GPC6: variants seen among roughly 807,000 people sequenced by gnomAD.
GPC6 encodes glypican-6.
In GPC6, 14 loss-of-function variants were observed where a neutral mutation model predicts 55.2. The ratio of observed to expected loss-of-function variants is 0.25; its 90% CI spans 0.17 to 0.40. GPC6 has a LOEUF of 0.40. Among genes scored for constraint, GPC6 ranks in the 10% least tolerant of loss-of-function variants. GPC6 has a pLI of 1.00. For missense variants in GPC6, 641 were observed against 708.5 expected, an observed-to-expected ratio of 0.90 and a Z score of 1.08; for synonymous variants, 278 against 259.6, an observed-to-expected ratio of 1.07 and a Z score of -0.68.
chr13:93,394,325 G>C (rs1364589635), intron 1 of GPC6, among the ~76,000 whole-genome samples: 2 of 152,106 alleles, frequency 1.3e-5, no homozygotes, highest in East Asian at 3.9e-4. Context: ...TCATTCTTAG[G>C]TTTCTTTTAT....
Position 94,108,854 on chromosome 13 carries a change from C to CA in GPC6, c.877+80971dup, listed in dbSNP as rs71126434. ...CGAGACTCCGTCTCAAAAAAAAAAACAAAAAAAAAAAGTTTTTTTAATAAT... is the reference window on the plus strand; with the variant it reads ...CGAGACTCCGTCTCAAAAAAAAAAACAAAAAAAAAAAAGTTTTTTTAATAAT... On this transcript the variant is annotated intron_variant, in intron 4 of 8. Transcript: ENST00000377047. Among the ~76,000 whole-genome samples, 1,005 of 145,334 alleles carry CA rather than the reference C, an allele frequency of 6.9e-3. 14 individuals are homozygous for CA. Among genetic ancestry groups the CA allele is most frequent in the African/African-American group, 0.024 (936 of 39,724 alleles).
At chr13:93,683,770 T>C (rs1296488787) in intron 2 of GPC6, among the ~76,000 whole-genome samples, 1 of 152,190 alleles carries the variant, frequency 6.6e-6, no homozygotes, top group Non-Finnish European at 1.5e-5. Context: ...GTGAAGATTA[T>C]TTGTTTTTAG....
chr13:94,367,366 T>G (rs751032675), intron 6 of GPC6, among the ~76,000 whole-genome samples: 4 of 152,228 alleles, frequency 2.6e-5, no homozygotes, highest in Non-Finnish European at 5.9e-5. Context: ...TCAATAGATA[T>G]TAGTTCAATG....
chr13:93,993,295 CTT>C (rs545224527), intron 3 of GPC6, among the ~76,000 whole-genome samples: 22 of 139,788 alleles, frequency 1.6e-4, no homozygotes, highest in Non-Finnish European at 1.1e-4. Flanking sequence ...TTCTTTCTTT[CTT>C]TTTTTTTTTT....
chr13:93,796,377 G>A (rs764227109), intron 2 of GPC6, among the ~76,000 whole-genome samples: 9 of 152,014 alleles, frequency 5.9e-5, no homozygotes, highest in Non-Finnish European at 1.2e-4. Flanking sequence ...TTTAGAGAGT[G>A]GACTTTTTTT....
At chr13:94,314,834 CTG>C (rs1462984899) in intron 6 of GPC6, among the ~76,000 whole-genome samples, 1 of 152,126 alleles carries the variant, frequency 6.6e-6, no homozygotes, top group Non-Finnish European at 1.5e-5. Context: ...CTAACAGACT[CTG>C]GGGCCTATGG....
intron 1 of GPC6, among the ~76,000 whole-genome samples, chr13:93,269,526 C>T (rs1877436282): frequency 6.6e-6 from 1 of 152,024 alleles, no homozygotes; most frequent in South Asian, 2.1e-4. Flanking sequence ...TTCTATTGTC[C>T]TGTGTTTCTT....
At chr13:94,285,597 A>G (rs1358593914) in intron 4 of GPC6, among the ~76,000 whole-genome samples, 1 of 152,144 alleles carries the variant, frequency 6.6e-6, no homozygotes, top group Admixed American at 6.5e-5. Context: ...TTATGATCCA[A>G]CCTTAAAACG....
intron 1 of GPC6, among the ~76,000 whole-genome samples, chr13:93,249,632 T>C (rs1291838538): frequency 2.0e-5 from 3 of 152,208 alleles, no homozygotes; most frequent in Non-Finnish European, 4.4e-5. Context: ...AGAAATAGTA[T>C]GTCTTTTGAT....
chr13:93,826,033 T>A (rs1456757886), intron 2 of GPC6, among the ~76,000 whole-genome samples: 1 of 151,894 alleles, frequency 6.6e-6, no homozygotes, highest in Non-Finnish European at 1.5e-5. Context: ...GCTAATTTTG[T>A]ATTTTTAGTA....
intron 6 of GPC6, among the ~76,000 whole-genome samples, chr13:94,375,265 G>A (rs540994401): frequency 0.011 from 1,693 of 152,150 alleles, 36 homozygotes; most frequent in African/African-American, 0.038. Flanking sequence ...CCAGGAGCTG[G>A]TTTTTTGAAA....
chr13:93,565,328 C>A (rs1876043926), intron 2 of GPC6, among the ~76,000 whole-genome samples: 1 of 152,094 alleles, frequency 6.6e-6, no homozygotes. Flanking sequence ...GAAAAGCGTG[C>A]AAGGAAAACA....
intron 3 of GPC6, among the ~76,000 whole-genome samples, chr13:93,960,418 T>G (rs1463432770): frequency 2.6e-5 from 4 of 152,134 alleles, no homozygotes; most frequent in Non-Finnish European, 5.9e-5. Context: ...CTCAATTCCT[T>G]CAAATACACC....
chr13:93,751,444 A>G (rs951538289), intron 2 of GPC6, among the ~76,000 whole-genome samples: 8 of 152,120 alleles, frequency 5.3e-5, no homozygotes, highest in East Asian at 1.9e-4. Context: ...AAAAGAAGAA[A>G]AAAAAAACAC....
intron 3 of GPC6, chr13:93,835,938 C>G (rs1887716916): frequency 1.3e-5 from 2 of 152,120 alleles, no homozygotes; most frequent in Non-Finnish European, 2.9e-5. Context: ...ATACTGTCAA[C>G]TATCTCTCTA....
chr13:94,238,300 C>T (rs151013024), intron 4 of GPC6, among the ~76,000 whole-genome samples: 130 of 152,212 alleles, frequency 8.5e-4, no homozygotes, highest in African/African-American at 3.0e-3. Flanking sequence ...GGTCAAGGGT[C>T]TGGATGAGAT....
At chr13:94,319,088 T>C (rs1876688608) in intron 6 of GPC6, among the ~76,000 whole-genome samples, 1 of 152,134 alleles carries the variant, frequency 6.6e-6, no homozygotes, top group African/African-American at 2.4e-5. Context: ...AATATTGATA[T>C]TTATTTCTTC....
intron 4 of GPC6, among the ~76,000 whole-genome samples, chr13:94,067,578 TATAGATAGATAGATAGATAGATAG>T (rs5805846): frequency 1.6e-4 from 24 of 147,568 alleles, no homozygotes; most frequent in African/African-American, 3.0e-4. Flanking sequence ...ATAGATAGAT[TATAGATAGATAGATAGATAGATAG>T]ATAGATAGAT....
Position 94,082,101 on chromosome 13 carries a change from A to G in GPC6, c.877+54207A>G, listed in dbSNP as rs1885121815. The stretch of plus-strand genomic sequence containing the variant: ...GATGATCCACCTGCCTCGGCCTCCC[A>G]AAGTGCTGGGACTATAGGCATGAGC... On this transcript the variant is annotated intron_variant, in intron 4 of 8. Coordinates refer to ENST00000377047, the MANE Select transcript of GPC6 (RefSeq NM_005708.5). Among the ~76,000 whole-genome samples the G allele has an allele frequency of 3.3e-5, 5 of 152,058 alleles. No homozygotes were observed. The South Asian group carries it at 1.0e-3, about 32-fold the overall frequency.
Sources: gnomAD v4.1 joint callset for allele counts (sites outside exome capture counted in the v4.1 genomes callset) on GRCh38, gnomAD v4.1.1 for gene constraint, MANE v1.5 for transcripts, NCBI Gene and HGNC (gene_info 2026-07-23, HGNC 2026-07-21) for gene names.